PRX: variants seen among roughly 807,000 people sequenced by gnomAD.
The protein encoded by PRX is periaxin.
In PRX, 24 loss-of-function variants were observed where a neutral mutation model predicts 29.6. The ratio of observed to expected loss-of-function variants is 0.81; its 90% CI spans 0.59 to 1.14. PRX has a LOEUF of 1.14. Among genes scored for constraint, PRX ranks in the 50% most tolerant of loss-of-function variants. The pLI, the probability that PRX is intolerant of heterozygous loss-of-function variation, is 0.00. For missense variants in PRX, 1,838 were observed against 1,926.4 expected (o/e 0.95, Z 0.86); for synonymous variants, 772 against 831.7 (o/e 0.93, Z 1.24).
Position 40,406,842 on chromosome 19 carries a change from C to T in PRX, c.27+1064G>A, listed in dbSNP as rs1038944085. Reference sequence around the variant, plus strand: ...AGGCTGGCATGCAATGGTGTGATCTCGGCTCACTGCCACCTCCGCTTCCTG... The same window carrying T: ...AGGCTGGCATGCAATGGTGTGATCTTGGCTCACTGCCACCTCCGCTTCCTG... On this transcript the variant is annotated intron_variant, in intron 4 of 6. Transcript: ENST00000324001. 2.8e-5 allele frequency among the ~76,000 whole-genome samples: 4 copies of T among 142,496 alleles called. No homozygotes were observed. The Admixed American group carries it at 2.9e-4, about 10-fold the overall frequency. 93.5% of individuals were successfully genotyped at this position (142,496 alleles called of 152,430 possible).
Position 40,395,394 on chromosome 19 carries a change from C to T in PRX, c.2958G>A (p.Leu986=), listed in dbSNP as rs554688365. The change falls in exon 7 of 7, where the codon CTG becomes CTA. Residue 986 remains leucine (L), a synonymous_variant. Transcript: ENST00000324001. ...EAKGAGEAGL[L]PALDLSIPQL... ...GTGGGATGGACAGATCGAGGGCAGG[C>T]AGCAGGCCTGCCTCCCCAGCCCCTT... 6.2e-7 allele frequency: 1 copy of T among 1,613,884 alleles called. No homozygotes were observed. The highest frequency in any genetic ancestry group is 1.3e-5 in the African/African-American group (1 of 75,022).
At position 40,394,610 on chromosome 19, in the gene PRX, G is replaced by A; in HGVS notation, c.3742C>T (p.Pro1248Ser). Residue 1248 changes from proline (P) to serine (S), a missense_variant, in exon 7 of 7, where the codon CCC (proline) becomes TCC (serine). Transcript: ENST00000324001. The surrounding 1 kb of genome is among the most constrained non-coding windows in gnomAD (Gnocchi z 5.8). ...ACCCTAGCTCTGGCCCCCAGTGTGG[G>A]CAACTTCAGCCTCAGCCCACCCTCG... Reference protein sequence around the residue: ...TGEGGLRLKLPTLGARARVGG... With the variant: ...TGEGGLRLKLSTLGARARVGG... The A allele has an allele frequency of 6.2e-7, 1 of 1,607,792 alleles. No homozygotes were observed. Among genetic ancestry groups the A allele is most frequent in the Non-Finnish European group, 8.5e-7 (1 of 1,179,240 alleles).
intron 1 of PRX, among the ~76,000 whole-genome samples, chr19:40,410,024 A>G (rs1325688804): frequency 3.9e-5 from 6 of 152,064 alleles, no homozygotes. Flanking sequence ...GTACTGAGTG[A>G]TTAGTATTTG....
chr19:40,412,501 C>T (rs1046148711), intron 1 of PRX, among the ~76,000 whole-genome samples: 65 of 152,166 alleles, frequency 4.3e-4, no homozygotes, highest in African/African-American at 1.5e-3. Context: ...CTGACAGCAA[C>T]AGGGAGAGTA....
At chr19:40,411,795 G>A (rs1344819742) in intron 1 of PRX, among the ~76,000 whole-genome samples, 1 of 152,172 alleles carries the variant, frequency 6.6e-6, no homozygotes, top group African/African-American at 2.4e-5. Context: ...TCCCTGCCTT[G>A]TGTTAGAGGC....
chr19:40,398,204 C>A lies in PRX; in HGVS notation c.382-234G>T. The A allele has an allele frequency of 1.4e-5, 20 of 1,418,798 alleles. No homozygotes were observed. Among genetic ancestry groups the A allele is most frequent in the Non-Finnish European group, 1.8e-5 (20 of 1,092,242 alleles). The allele number at this position is 1,418,798 out of a possible 1,614,324, so 87.9% of individuals were successfully genotyped here. On this transcript the variant is annotated intron_variant, in intron 6 of 6. Transcript: ENST00000324001. The surrounding 1 kb of genome is among the most constrained non-coding windows in gnomAD (Gnocchi z 6.3). Reference sequence around the variant, plus strand: ...GGAGTGTAGGGACGGGGACCCAAGACTTCTAGATCCTGATCCGGGATTTTC... The same window carrying A: ...GGAGTGTAGGGACGGGGACCCAAGAATTCTAGATCCTGATCCGGGATTTTC...
chr19:40,403,745 C>G lies in PRX; in HGVS notation c.145G>C (p.Glu49Gln), dbSNP rs1024162447. 3 of 1,574,976 alleles carry G rather than the reference C, an allele frequency of 1.9e-6. No individual in the cohort carries two copies. The highest frequency in any genetic ancestry group is 2.6e-6 in the Non-Finnish European group (3 of 1,161,722). ...KEGIFVRELREDSPAARSLSL... is the reference protein window; with the variant it reads ...KEGIFVRELRQDSPAARSLSL... ...AGGCTCCTGGCGGCGGGTGAGTCCT[C>G]GCGCAGCTCCCGAACGAAGATTCCC... Residue 49 changes from glutamate to glutamine, a missense_variant, in exon 5 of 7, where the codon GAG becomes CAG. Around this residue, in one of 3 missense-constraint regions of PRX, gnomAD observed 666 missense variants for 665.0 expected, o/e 1.00. Coordinates refer to ENST00000324001, the MANE Select transcript of PRX (RefSeq NM_181882.3).
At position 40,397,924 on chromosome 19, in the gene PRX, C is replaced by G. The variant is rs1379927550; in HGVS notation, c.428G>C (p.Gly143Ala). The change falls in exon 7 of 7, where the codon GGG (glycine) becomes GCG (alanine). Residue 143 changes from glycine to alanine, a missense_variant. Around this residue, in one of 3 missense-constraint regions of PRX, gnomAD observed 666 missense variants for 665.0 expected, o/e 1.00. Transcript: ENST00000324001. ...CAGGTCAGCGGGGACCCCCAGAGCCCCAGGCACCATCTTCTTCTTCTTCAC... is the reference window on the plus strand; with the variant it reads ...CAGGTCAGCGGGGACCCCCAGAGCCGCAGGCACCATCTTCTTCTTCTTCAC... ...SPVKKKKMVP[G>A]ALGVPADLAP... The G allele has an allele frequency of 6.2e-7, 1 of 1,612,942 alleles. No individual in the cohort carries two copies. Among genetic ancestry groups the G allele is most frequent in the Non-Finnish European group, 8.5e-7 (1 of 1,179,642 alleles).
In PRX at chr19:40,395,366, G is replaced by T. The variant is rs1311914136; in HGVS notation, c.2986C>A (p.Leu996Ile). Residue 996 changes from leucine (L) to isoleucine (I), a missense_variant, in exon 7 of 7, where the codon CTC becomes ATC. Coordinates refer to ENST00000324001, the MANE Select transcript of PRX (RefSeq NM_181882.3). ...LPALDLSIPQ[L>I]SLDAHLPSGK... ...GAGGGCAGGTGGGCATCCAGGCTGAGCTGTGGGATGGACAGATCGAGGGCA... is the reference window on the plus strand; with the variant it reads ...GAGGGCAGGTGGGCATCCAGGCTGATCTGTGGGATGGACAGATCGAGGGCA... 6.2e-7 allele frequency: 1 copy of T among 1,613,814 alleles called. No individual in the cohort carries two copies. Among genetic ancestry groups the T allele is most frequent in the Admixed American group, 1.7e-5 (1 of 60,024 alleles).
rs752531623 is a variant in PRX, at chr19:40,395,662, C to T, written c.2690G>A (p.Arg897Gln). Residue 897 changes from arginine (R) to glutamine (Q), a missense_variant, in exon 7 of 7, where the codon CGA becomes CAA. By Grantham distance (43) the Arg-to-Gln change is conservative. This residue lies in a region of PRX where 1,143 missense variants were observed against 1,193.0 expected (regional missense o/e 0.96). Transcript: ENST00000324001. ...VAAGVREVGF[R>Q]VPSVEIVTPQ... The stretch of plus-strand genomic sequence containing the variant: ...GGTGACAATTTCAACAGAGGGCACT[C>T]GGAAGCCCACTTCCCTGACCCCTGC... 3.0e-5 allele frequency: 49 copies of T among 1,614,048 alleles called. No homozygotes were observed. Among genetic ancestry groups the T allele is most frequent in the African/African-American group, 9.3e-5 (7 of 74,920 alleles).
intron 1 of PRX, among the ~76,000 whole-genome samples, chr19:40,409,939 A>G (rs1396226545): frequency 6.6e-6 from 1 of 152,164 alleles, no homozygotes; most frequent in East Asian, 1.9e-4. Flanking sequence ...AGCCCAGGTC[A>G]CAAATGGTCG....
rs149183991 is a variant in PRX, at chr19:40,396,365, G to A, written c.1987C>T (p.Pro663Ser). 43 of 1,592,302 alleles carry A rather than the reference G, an allele frequency of 2.7e-5. 1 individual carries two copies. The African/African-American group carries it at 6.0e-4, about 22-fold the overall frequency. ...GGCATTTTAGGGAGTTTCATCTCTG[G>A]GACTTTCGGGAGCTGCACTTCCGGG... The part of the protein sequence containing the change: ...HLPEVQLPKV[P>S]EMKLPKMPEM... Residue 663 changes from proline (P) to serine (S), a missense_variant, in exon 7 of 7, where the codon CCA (proline) becomes TCA (serine). By Grantham distance (74) the Pro-to-Ser change is moderately conservative (BLOSUM62 -1). This residue lies in a region of PRX where 1,143 missense variants were observed against 1,193.0 expected (regional missense o/e 0.96). Coordinates refer to ENST00000324001, the MANE Select transcript of PRX (RefSeq NM_181882.3).
At position 40,396,873 on chromosome 19, in the gene PRX, C is replaced by G. The variant is rs367946424; in HGVS notation, c.1479G>C (p.Glu493Asp). Reference sequence around the variant, plus strand: ...TCTCTGACACTTTGGGCAGCTCTACCTCTGGAAGCCGCACCTCCGGCACAG... The same window carrying G: ...TCTCTGACACTTTGGGCAGCTCTACGTCTGGAAGCCGCACCTCCGGCACAG... The part of the protein sequence containing the change: ...EMAVPEVRLP[E>D]VELPKVSEMK... The change falls in exon 7 of 7, where the codon GAG becomes GAC. Residue 493 changes from glutamate to aspartate, a missense_variant. Around this residue, in one of 3 missense-constraint regions of PRX, gnomAD observed 666 missense variants for 665.0 expected, o/e 1.00. Transcript: ENST00000324001. 2.3e-5 allele frequency: 37 copies of G among 1,613,874 alleles called. No individual in the cohort carries two copies. Among genetic ancestry groups the G allele is most frequent in the Admixed American group, 3.3e-5 (2 of 59,996 alleles).
At position 40,396,566 on chromosome 19, in the gene PRX, G is replaced by A; in HGVS notation, c.1786C>T (p.Pro596Ser). The A allele has an allele frequency of 6.2e-7, 1 of 1,613,676 alleles. No individual in the cohort carries two copies. The highest frequency in any genetic ancestry group is 1.7e-5 in the Admixed American group (1 of 59,984). ...KLPKVPEMKL[P>S]EMKLPEVQLP... Reference sequence around the variant, plus strand: ...TGCACTTCAGGGAGTTTCATCTCAGGAAGTTTCATCTCAGGCACCTTTGGA... The same window carrying A: ...TGCACTTCAGGGAGTTTCATCTCAGAAAGTTTCATCTCAGGCACCTTTGGA... The change falls in exon 7 of 7, where the codon CCT becomes TCT. Residue 596 changes from proline (P) to serine (S), a missense_variant. By Grantham distance (74) the Pro-to-Ser change is moderately conservative. Around this residue, in one of 3 missense-constraint regions of PRX, gnomAD observed 1,143 missense variants for 1,193.0 expected, o/e 0.96. Transcript: ENST00000324001.
intron 5 of PRX, among the ~76,000 whole-genome samples, chr19:40,402,493 T>TG (rs1418428507): frequency 6.6e-6 from 1 of 151,482 alleles, no homozygotes; most frequent in Non-Finnish European, 1.5e-5. Context: ...CTCTCCCGGC[T>TG]GGGCGCGGTG....
chr19:40,397,323 C>G lies in PRX; in HGVS notation c.1029G>C (p.Glu343Asp). The change falls in exon 7 of 7, where the codon GAG (glutamate) becomes GAC (aspartate). Residue 343 changes from glutamate to aspartate, a missense_variant. By Grantham distance (45) the Glu-to-Asp change is conservative (BLOSUM62 2). Around this residue, in one of 3 missense-constraint regions of PRX, gnomAD observed 666 missense variants for 665.0 expected, o/e 1.00. Coordinates refer to ENST00000324001, the MANE Select transcript of PRX (RefSeq NM_181882.3). ...VGVDLALPGA[E>D]VEARGEAPEV... ...CAGGTGCCTCTCCCCGGGCCTCCACCTCTGCACCCGGCAAGGCCAGGTCCA... is the reference window on the plus strand; with the variant it reads ...CAGGTGCCTCTCCCCGGGCCTCCACGTCTGCACCCGGCAAGGCCAGGTCCA... 6.2e-7 allele frequency: 1 copy of G among 1,613,210 alleles called. No homozygotes were observed. Among genetic ancestry groups the G allele is most frequent in the Non-Finnish European group, 8.5e-7 (1 of 1,179,958 alleles).
At chr19:40,399,551 G>T (rs1479226379) in intron 5 of PRX, among the ~76,000 whole-genome samples, 1 of 152,124 alleles carries the variant, frequency 6.6e-6, no homozygotes, top group Non-Finnish European at 1.5e-5. Flanking sequence ...AAGTCCAAGG[G>T]TCAAGTCCCA....
chr19:40,407,761 AC>A (rs1237065702), intron 4 of PRX, 144 bp downstream of exon 4: 46 of 1,122,350 alleles, frequency 4.1e-5, no homozygotes, highest in Non-Finnish European at 5.5e-5. Context: ...CCTCACAGTG[AC>A]CCATAAAATA....
At chr19:40,408,658 G>T (rs932906945) in intron 1 of PRX, among the ~76,000 whole-genome samples, 4 of 152,164 alleles carry the variant, frequency 2.6e-5, no homozygotes, top group South Asian at 2.1e-4. Context: ...TTGAGACAGG[G>T]TCTAGCTCTA....
Sources: gnomAD v4.1 joint callset for allele counts (sites outside exome capture counted in the v4.1 genomes callset) on GRCh38, gnomAD v4.1.1 for gene constraint, gnomAD v4.1.1 regional missense constraint, Gnocchi (gnomAD v3.1) non-coding constraint, MANE v1.5 for transcripts, NCBI Gene and HGNC (gene_info 2026-07-23, HGNC 2026-07-21) for gene names.